CSNK1G1: variants seen among roughly 807,000 people sequenced by gnomAD.
CSNK1G1 encodes casein kinase 1 gamma 1.
CSNK1G1 carries 22 observed loss-of-function variants against 59.6 expected under a neutral mutation model. The observed-to-expected ratio is 0.37, with a 90% CI of 0.26 to 0.53. The LOEUF (loss-of-function observed/expected upper bound fraction) is 0.53. CSNK1G1 is among the 20% of genes least tolerant of loss of function. The probability of loss-of-function intolerance (pLI) is 0.89; values close to 1 mark genes in which losing one functional copy is unlikely to be tolerated. For synonymous variants in CSNK1G1, 179 were observed against 177.1 expected, an observed-to-expected ratio of 1.01 and a Z score of -0.08; for missense variants, 384 against 519.5, an observed-to-expected ratio of 0.74 and a Z score of 2.54.
chr15:64,280,889 CT>C (rs1019602334), intron 2 of CSNK1G1, among the ~76,000 whole-genome samples: 1 of 150,504 alleles, frequency 6.6e-6, no homozygotes, highest in African/African-American at 2.4e-5. Flanking sequence ...ATTCTTTTTT[CT>C]TTTTTTTGAG....
chr15:64,208,680 G>A (rs1428338413), intron 6 of CSNK1G1, among the ~76,000 whole-genome samples: 2 of 152,050 alleles, frequency 1.3e-5, no homozygotes, highest in Non-Finnish European at 2.9e-5. Context: ...TAAGTGTGTG[G>A]AACCACACTC....
chr15:64,210,587 T>C lies in CSNK1G1; in HGVS notation c.680-2993A>G, dbSNP rs2082237742. Among the ~76,000 whole-genome samples the C allele has an allele frequency of 6.6e-6, 1 of 152,224 alleles. No homozygotes were observed. The highest frequency in any genetic ancestry group is 1.5e-5 in the Non-Finnish European group (1 of 68,028). ...TTTCATCCAATCAGAAAGATGTGCTTGGTTTACATGCATAACATCCCTGAT... is the reference window on the plus strand; with the variant it reads ...TTTCATCCAATCAGAAAGATGTGCTCGGTTTACATGCATAACATCCCTGAT... On this transcript the variant is annotated intron_variant, in intron 6 of 11. Coordinates refer to ENST00000303052, the MANE Select transcript of CSNK1G1 (RefSeq NM_022048.5). The surrounding 1 kb of genome is among the most constrained non-coding windows in gnomAD (Gnocchi z 4.2).
intron 2 of CSNK1G1, among the ~76,000 whole-genome samples, chr15:64,294,472 C>G (rs1894906360): frequency 6.6e-6 from 1 of 152,100 alleles, no homozygotes; most frequent in South Asian, 2.1e-4. Flanking sequence ...TACTGGTTAT[C>G]TCCACAGACA....
At chr15:64,297,603 T>G (rs1895095693) in intron 2 of CSNK1G1, among the ~76,000 whole-genome samples, 1 of 151,578 alleles carries the variant, frequency 6.6e-6, no homozygotes, top group South Asian at 2.1e-4. Context: ...GAGGCTGAAG[T>G]AGGAGGATCG....
intron 4 of CSNK1G1, among the ~76,000 whole-genome samples, chr15:64,228,437 G>C (rs1165256511): frequency 6.6e-6 from 1 of 151,736 alleles, no homozygotes; most frequent in African/African-American, 2.4e-5. Context: ...CACGAGGTCA[G>C]GAGCTCCAGA....
chr15:64,292,557 T>G (rs992600762), intron 2 of CSNK1G1, among the ~76,000 whole-genome samples: 3 of 152,202 alleles, frequency 2.0e-5, no homozygotes, highest in Non-Finnish European at 2.9e-5. Context: ...ATGAATATTA[T>G]TAAAATCATA....
chr15:64,307,421 T>C (rs550713887), intron 1 of CSNK1G1, among the ~76,000 whole-genome samples: 2 of 152,220 alleles, frequency 1.3e-5, no homozygotes, highest in Non-Finnish European at 2.9e-5. Context: ...TGCTCAAAAC[T>C]ACAAAATATT....
chr15:64,241,715 A>G (rs1891469806), intron 4 of CSNK1G1, among the ~76,000 whole-genome samples: 1 of 152,166 alleles, frequency 6.6e-6, no homozygotes, highest in African/African-American at 2.4e-5. Context: ...TATAGTGTCA[A>G]TAAAGAAATC....
intron 2 of CSNK1G1, among the ~76,000 whole-genome samples, chr15:64,277,006 G>A (rs186502552): frequency 1.3e-5 from 2 of 151,518 alleles, no homozygotes; most frequent in East Asian, 3.9e-4. Flanking sequence ...CATGAACAGA[G>A]TTCAAGGTAA....
At chr15:64,175,097 T>C (rs563933036) in intron 11 of CSNK1G1, among the ~76,000 whole-genome samples, 1 of 147,480 alleles carries the variant, frequency 6.8e-6, no homozygotes, top group African/African-American at 2.5e-5. Context: ...GACTGACACC[T>C]CACAGGAAAA....
intron 1 of CSNK1G1, among the ~76,000 whole-genome samples, chr15:64,327,508 C>G (rs1376555275): frequency 5.6e-5 from 8 of 142,054 alleles, no homozygotes; most frequent in South Asian, 4.8e-4. Flanking sequence ...GACATCCACA[C>G]CGAAAACCCA....
At chr15:64,336,665 T>G (rs1170540163) in intron 1 of CSNK1G1, among the ~76,000 whole-genome samples, 1 of 152,108 alleles carries the variant, frequency 6.6e-6, no homozygotes, top group Non-Finnish European at 1.5e-5. Flanking sequence ...GACATAGATA[T>G]AACAAACTAG....
At chr15:64,288,354 T>G (rs1181612843) in intron 2 of CSNK1G1, among the ~76,000 whole-genome samples, 1 of 152,094 alleles carries the variant, frequency 6.6e-6, no homozygotes, top group African/African-American at 2.4e-5. Flanking sequence ...AGGGATGGCA[T>G]CTGTGAGACA....
At chr15:64,303,613 G>T (rs28556725) in intron 1 of CSNK1G1, among the ~76,000 whole-genome samples, 10 of 151,984 alleles carry the variant, frequency 6.6e-5, no homozygotes, top group Admixed American at 4.6e-4. Flanking sequence ...TTAGCCAGGC[G>T]TGGTTGTGCA....
At chr15:64,246,965 A>G (rs1891792300) in intron 4 of CSNK1G1, among the ~76,000 whole-genome samples, 1 of 152,006 alleles carries the variant, frequency 6.6e-6, no homozygotes, top group South Asian at 2.1e-4. Context: ...CTTCTAGTCA[A>G]TTAACGAACA....
chr15:64,245,333 A>C (rs1001333871), intron 4 of CSNK1G1, among the ~76,000 whole-genome samples: 4 of 152,202 alleles, frequency 2.6e-5, no homozygotes, highest in Non-Finnish European at 4.4e-5. Context: ...GAGAAAATAT[A>C]ATATATGCAA....
intron 4 of CSNK1G1, among the ~76,000 whole-genome samples, chr15:64,244,257 T>A (rs955922836): frequency 3.3e-5 from 5 of 150,866 alleles, no homozygotes; most frequent in Admixed American, 6.6e-5. Context: ...AAGAAAGTAA[T>A]TCCATTTACA....
chr15:64,310,463 C>A (rs1303330898), intron 1 of CSNK1G1, among the ~76,000 whole-genome samples: 5 of 151,740 alleles, frequency 3.3e-5, no homozygotes, highest in African/African-American at 1.2e-4. Context: ...TACCTATAAT[C>A]CCAGCACTTT....
At chr15:64,324,356 G>C (rs80339477) in intron 1 of CSNK1G1, among the ~76,000 whole-genome samples, 6,500 of 152,234 alleles carry the variant, frequency 0.043, 152 homozygotes, top group South Asian at 0.078. Context: ...CCCTTAATCT[G>C]GGTGGTACCA....
Sources: allele counts gnomAD v4.1 joint callset (sites outside exome capture counted in the v4.1 genomes callset), GRCh38; gene constraint gnomAD v4.1.1; non-coding constraint Gnocchi (gnomAD v3.1); transcripts MANE v1.5; gene names NCBI Gene and HGNC (gene_info 2026-07-23, HGNC 2026-07-21).